The following ANKRD44 variants were observed in gnomAD, a reference collection of about 807,000 sequenced individuals.
The protein encoded by ANKRD44 is serine/threonine-protein phosphatase 6 regulatory ankyrin repeat subunit B.
Under a neutral mutation model 116.0 loss-of-function variants are expected in ANKRD44, and 35 were observed. The ratio of observed to expected loss-of-function variants is 0.30; its 90% CI spans 0.23 to 0.40. ANKRD44 has a LOEUF of 0.40. Ranked by LOEUF, ANKRD44 falls within the 10% of genes least tolerant of loss-of-function variation. The pLI, the probability that ANKRD44 is intolerant of heterozygous loss-of-function variation, is 1.00. For synonymous variants in ANKRD44, 435 were observed against 461.8 expected, an observed-to-expected ratio of 0.94 and a Z score of 0.74; for missense variants, 1,014 against 1,242.6, an observed-to-expected ratio of 0.82 and a Z score of 2.77.
chr2:197,257,644 C>T (rs1359121132), intron 1 of ANKRD44, among the ~76,000 whole-genome samples: 3 of 152,134 alleles, frequency 2.0e-5, no homozygotes, highest in Non-Finnish European at 4.4e-5. Context: ...CCCCATTCTC[C>T]ATGATGTACT....
chr2:197,015,295 A>T, intron 17 of ANKRD44: 1 of 421,920 alleles, frequency 2.4e-6, no homozygotes, highest in Non-Finnish European at 4.4e-6. Context: ...GAAGATATAG[A>T]GGAATAGAAT....
At chr2:197,243,293 GAAGA>G (rs2082127199) in intron 1 of ANKRD44, among the ~76,000 whole-genome samples, 1 of 151,626 alleles carries the variant, frequency 6.6e-6, no homozygotes, top group African/African-American at 2.4e-5. Context: ...CCAACAGCAG[GAAGA>G]AAGACTTTAA....
chr2:197,049,525 C>G (rs1430654498), intron 16 of ANKRD44, among the ~76,000 whole-genome samples: 1 of 152,172 alleles, frequency 6.6e-6, no homozygotes, highest in African/African-American at 2.4e-5. Flanking sequence ...AAGATCTATA[C>G]TGTGGAGGAA....
At chr2:197,018,605 G>T (rs1053634409) in intron 17 of ANKRD44, among the ~76,000 whole-genome samples, 7 of 152,064 alleles carry the variant, frequency 4.6e-5, no homozygotes, top group Admixed American at 2.6e-4. Flanking sequence ...GCACAAAACT[G>T]ATATCAATGG....
intron 9 of ANKRD44, among the ~76,000 whole-genome samples, chr2:197,105,626 C>G (rs888943758): frequency 6.6e-6 from 1 of 152,118 alleles, no homozygotes; most frequent in Non-Finnish European, 1.5e-5. Flanking sequence ...TGAGCATGTA[C>G]TAATTTTATA....
intron 1 of ANKRD44, among the ~76,000 whole-genome samples, chr2:197,218,679 C>T (rs2081506918): frequency 6.6e-6 from 1 of 150,870 alleles, no homozygotes; most frequent in Non-Finnish European, 1.5e-5. Context: ...ATATTGACTG[C>T]CCAAGGGATA....
chr2:197,187,744 G>T (rs1333437570), intron 1 of ANKRD44, among the ~76,000 whole-genome samples: 1 of 152,088 alleles, frequency 6.6e-6, no homozygotes, highest in Non-Finnish European at 1.5e-5. Flanking sequence ...TGAAGACACA[G>T]TGAAAACGTG....
intron 1 of ANKRD44, among the ~76,000 whole-genome samples, chr2:197,211,093 G>A (rs1375320222): frequency 6.6e-6 from 1 of 152,172 alleles, no homozygotes; most frequent in Non-Finnish European, 1.5e-5. Flanking sequence ...CATGACCTAG[G>A]CTGCAGCTGC....
At chr2:197,036,297 C>T (rs2076805686) in intron 16 of ANKRD44, among the ~76,000 whole-genome samples, 1 of 152,110 alleles carries the variant, frequency 6.6e-6, no homozygotes, top group Non-Finnish European at 1.5e-5. Flanking sequence ...CTCACTCTGT[C>T]ACCCAGACTG....
At chr2:197,169,688 C>A (rs1380103953) in intron 2 of ANKRD44, among the ~76,000 whole-genome samples, 1 of 152,158 alleles carries the variant, frequency 6.6e-6, no homozygotes, top group Non-Finnish European at 1.5e-5. Context: ...GATTCTCAGG[C>A]CCCACCCTGG....
Position 197,125,886 on chromosome 2 carries a change from C to T in ANKRD44, c.413G>A (p.Arg138Gln). The T allele has an allele frequency of 1.9e-6, 3 of 1,614,206 alleles. No homozygotes were observed. Among genetic ancestry groups the T allele is most frequent in the Non-Finnish European group, 2.5e-6 (3 of 1,180,042 alleles). ...ATGGTGCAAGGCTGTGCGCCCCCCT[C>T]GGTCGGAGACATTGACACTGCTCAG... ...PLLSSVNVSD[R>Q]GGRTALHHAA... Residue 138 changes from arginine to glutamine, a missense_variant, in exon 5 of 28, where the codon CGA becomes CAA. Transcript: ENST00000282272.
At chr2:197,025,982 C>T (rs2076584125) in intron 16 of ANKRD44, among the ~76,000 whole-genome samples, 1 of 131,932 alleles carries the variant, frequency 7.6e-6, no homozygotes, top group South Asian at 2.6e-4. Flanking sequence ...GGTGGAAGAA[C>T]AAATTGTTAA....
intron 6 of ANKRD44, among the ~76,000 whole-genome samples, chr2:197,123,328 T>A (rs1011723839): frequency 1.3e-5 from 2 of 152,236 alleles, no homozygotes; most frequent in Non-Finnish European, 2.9e-5. Flanking sequence ...CTTAAAAGTA[T>A]CCTCATGAAT....
rs368122060 is a variant in ANKRD44, at chr2:197,003,466, T to C, written c.2348-1626A>G. Among the ~76,000 whole-genome samples, 9 of 152,290 alleles carry C rather than the reference T, an allele frequency of 5.9e-5. No individual in the cohort carries two copies. In the South Asian group the frequency reaches 1.0e-3, roughly 18 times the overall value. ...CATAGCATTCCTTAAGTGGGGACTATATGAATCCCAATTTAAGAGTCTGTA... is the reference window on the plus strand; with the variant it reads ...CATAGCATTCCTTAAGTGGGGACTACATGAATCCCAATTTAAGAGTCTGTA... On this transcript the variant is annotated intron_variant, in intron 21 of 27. Transcript: ENST00000282272.
intron 20 of ANKRD44, among the ~76,000 whole-genome samples, chr2:197,006,921 A>G (rs1354246785): frequency 6.6e-6 from 1 of 152,168 alleles, no homozygotes; most frequent in Non-Finnish European, 1.5e-5. Context: ...CCTGGGCAAC[A>G]TGGCAAAACC....
chr2:196,975,545 A>G (rs1372129056), intron 21 of ANKRD44, among the ~76,000 whole-genome samples: 4 of 151,796 alleles, frequency 2.6e-5, no homozygotes, highest in Admixed American at 1.3e-4. Context: ...GCACTTCGGG[A>G]GGCCGAGGTA....
intron 1 of ANKRD44, among the ~76,000 whole-genome samples, chr2:197,304,248 G>A (rs2084001616): frequency 6.6e-6 from 1 of 152,120 alleles, no homozygotes. Flanking sequence ...GGGTCGGCGG[G>A]GGTTGCAATG....
rs553185333 is a variant in ANKRD44, at chr2:197,091,573, G to A, written c.1101-1541C>T. Among the ~76,000 whole-genome samples the A allele has an allele frequency of 6.6e-5, 10 of 152,230 alleles. No individual in the cohort carries two copies. The South Asian group carries it at 1.9e-3, about 28-fold the overall frequency. ...AGGGTTTTGCCATGTTGTCCAGGCT[G>A]GTCTCAAACTCCTGGGCTCAAGCAA... On this transcript the variant is annotated intron_variant, in intron 10 of 27. Transcript: ENST00000282272.
chr2:197,247,593 C>T (rs13000316), intron 1 of ANKRD44, among the ~76,000 whole-genome samples: 24,035 of 152,144 alleles, frequency 0.16, 2,164 homozygotes, highest in African/African-American at 0.24. Context: ...AGGACACAAA[C>T]CATTTACACA....
Sources: allele counts gnomAD v4.1 joint callset (sites outside exome capture counted in the v4.1 genomes callset), GRCh38; gene constraint gnomAD v4.1.1; transcripts MANE v1.5; gene names NCBI Gene and HGNC (gene_info 2026-07-23, HGNC 2026-07-21).